FARP2: variants seen among roughly 807,000 people sequenced by gnomAD.
The protein encoded by FARP2 is FERM, ARH/RhoGEF and pleckstrin domain protein 2, also known as FERM, ARHGEF and pleckstrin domain-containing protein 2.
Under a neutral mutation model 130.5 loss-of-function variants are expected in FARP2, and 111 were observed. The ratio of observed to expected loss-of-function variants is 0.85; its 90% confidence interval spans 0.73 to 1.00. The LOEUF (loss-of-function observed/expected upper bound fraction) is 1.00, where lower values mean the gene tolerates loss of function less well. Ranked by LOEUF, FARP2 falls within the 50% of genes least tolerant of loss-of-function variation. The pLI is 0.00. For synonymous variants in FARP2, 504 were observed against 516.9 expected, an observed-to-expected ratio of 0.98 and a Z score of 0.34; for missense variants, 1,385 against 1,346.3, an observed-to-expected ratio of 1.03 and a Z score of -0.45.
chr2:241,469,377 A>C (rs1157989558), intron 18 of FARP2, among the ~76,000 whole-genome samples: 1 of 152,114 alleles, frequency 6.6e-6, no homozygotes, highest in Admixed American at 6.6e-5. Context: ...GAGCCACCAC[A>C]TGAGGAGGTT....
intron 2 of FARP2, among the ~76,000 whole-genome samples, chr2:241,402,061 A>G (rs925745273): frequency 6.6e-6 from 1 of 152,124 alleles, no homozygotes; most frequent in African/African-American, 2.4e-5. Context: ...AAGTGCTAGG[A>G]TTACAGGCAT....
chr2:241,401,471 TA>T (rs1361636615), intron 2 of FARP2, among the ~76,000 whole-genome samples: 7 of 152,346 alleles, frequency 4.6e-5, no homozygotes, highest in Admixed American at 3.9e-4. Context: ...TATGTGTTTT[TA>T]ATAAAATGGA....
At chr2:241,457,436 AGAT>A (rs1277202729) in intron 14 of FARP2, among the ~76,000 whole-genome samples, 1 of 129,632 alleles carries the variant, frequency 7.7e-6, no homozygotes, top group African/African-American at 2.9e-5. Context: ...CAGTGTAGAA[AGAT>A]CTGGGTGCTA....
Position 241,494,031 on chromosome 2 carries a change from C to T in FARP2, c.3071C>T (p.Ala1024Val). 3.6e-6 allele frequency: 5 copies of T among 1,402,564 alleles called. No individual in the cohort carries two copies. The Admixed American group carries it at 1.5e-4, about 41-fold the overall frequency. The allele number at this position is 1,402,564 out of a possible 1,614,324, so 86.9% of individuals were successfully genotyped here. Residue 1024 changes from alanine (A) to valine (V), a missense_variant, in exon 27 of 27, where the codon GCC becomes GTC. Ala to Val is a moderately conservative substitution (Grantham distance 64). Transcript: ENST00000264042. The surrounding 1 kb of genome is among the most constrained non-coding windows in gnomAD (Gnocchi z 4.9). ...AGGTGGATGGAGGTGATCCAGGGGG[C>T]CAGCAGCTCAGCCGGGAGGGCCCCA... is the stretch of plus-strand genomic sequence containing the variant. ...FERWMEVIQG[A>V]SSSAGRAPSI...
At chr2:241,478,550 G>A (rs936522514) in intron 19 of FARP2, 11 of 451,456 alleles carry the variant, frequency 2.4e-5, no homozygotes, top group African/African-American at 1.8e-4. Context: ...GGATGAAACT[G>A]TTGCCTATTT....
At chr2:241,468,431 C>G in intron 18 of FARP2, 54 bp downstream of exon 18, 1 of 1,429,944 alleles carries the variant, frequency 7.0e-7, no homozygotes, top group Non-Finnish European at 9.8e-7. Flanking sequence ...GGCTGGGAGG[C>G]AGGGGCGGCT....
At chr2:241,479,382 G>A (rs886577265) in intron 19 of FARP2, among the ~76,000 whole-genome samples, 1 of 152,234 alleles carries the variant, frequency 6.6e-6, no homozygotes, top group Non-Finnish European at 1.5e-5. Flanking sequence ...CATCCAGCAC[G>A]CCGTGGCCTC....
In FARP2 at chr2:241,474,798, TAATAATA is replaced by T. The variant is rs1441950327; in HGVS notation, c.2132-1053_2132-1047del. Among the ~76,000 whole-genome samples the T allele has an allele frequency of 1.7e-4, 18 of 104,176 alleles. 1 individual carries two copies. The East Asian group carries it at 2.2e-3, about 13-fold the overall frequency. The allele number at this position is 104,176 out of a possible 152,430, so 68.3% of individuals were successfully genotyped here. On this transcript the variant is annotated intron_variant, in intron 18 of 26. Coordinates refer to ENST00000264042, the MANE Select transcript of FARP2 (RefSeq NM_014808.4). ...CAGAGTGAGACCCTGTCTCTAATAA[TAATAATA>T]AATAAATAAATAAATAAATAAATAA...
intron 24 of FARP2, among the ~76,000 whole-genome samples, chr2:241,492,040 C>T (rs2064933603): frequency 2.6e-5 from 4 of 152,340 alleles, no homozygotes; most frequent in Middle Eastern, 3.4e-3. Context: ...CGAGGCTCTG[C>T]CCAGGCACCC....
At chr2:241,420,903 G>A (rs2062789310) in intron 8 of FARP2, among the ~76,000 whole-genome samples, 1 of 152,220 alleles carries the variant, frequency 6.6e-6, no homozygotes, top group African/African-American at 2.4e-5. Flanking sequence ...CTGATTAGAA[G>A]CAACTGAGGT....
intron 13 of FARP2, chr2:241,442,270 G>T: frequency 2.2e-6 from 1 of 456,668 alleles, no homozygotes; most frequent in South Asian, 1.5e-5. Flanking sequence ...AGCCTACTCA[G>T]TCCGCTCTGA....
At chr2:241,387,997 T>C (rs1166906850) in intron 2 of FARP2, among the ~76,000 whole-genome samples, 1 of 152,126 alleles carries the variant, frequency 6.6e-6, no homozygotes, top group Non-Finnish European at 1.5e-5. Context: ...GGCAATACTC[T>C]CAAACTGCTC....
intron 24 of FARP2, 76 bp downstream of exon 24, chr2:241,491,755 G>A (rs1176815138): frequency 6.4e-6 from 9 of 1,404,834 alleles, no homozygotes; most frequent in Non-Finnish European, 8.6e-6. Flanking sequence ...CTGAGGAGGG[G>A]ACCTCAGGAG....
At chr2:241,487,310 ACTC>A (rs1268676662) in intron 21 of FARP2, among the ~76,000 whole-genome samples, 4 of 152,176 alleles carry the variant, frequency 2.6e-5, no homozygotes, top group Admixed American at 2.0e-4. Flanking sequence ...TGAAACAGAC[ACTC>A]CTCAACTTAT....
At chr2:241,472,340 C>A (rs1429801906) in intron 18 of FARP2, among the ~76,000 whole-genome samples, 1 of 150,542 alleles carries the variant, frequency 6.6e-6, no homozygotes, top group African/African-American at 2.5e-5. Context: ...TCTCAGGGGA[C>A]CCTGTTCTGT....
chr2:241,449,515 CTT>C (rs35040726), intron 13 of FARP2, among the ~76,000 whole-genome samples: 28,966 of 152,084 alleles, frequency 0.19, 3,087 homozygotes, highest in Middle Eastern at 0.35. Context: ...ATAAAAATAA[CTT>C]TACCTTTTTC....
intron 13 of FARP2, among the ~76,000 whole-genome samples, chr2:241,452,967 A>G (rs1175464603): frequency 6.6e-6 from 1 of 151,572 alleles, no homozygotes; most frequent in Non-Finnish European, 1.5e-5. Flanking sequence ...AAAATGTTTA[A>G]CGGTAATTTG....
At chr2:241,406,173 T>TG (rs1169815591) in intron 4 of FARP2, among the ~76,000 whole-genome samples, 2 of 149,844 alleles carry the variant, frequency 1.3e-5, no homozygotes, top group Non-Finnish European at 3.0e-5. Context: ...AGGGGCATGG[T>TG]GGGGGGCGCC....
intron 3 of FARP2, among the ~76,000 whole-genome samples, 169 bp from the exon 4 acceptor site, chr2:241,404,630 T>C (rs1304635112): frequency 6.6e-6 from 1 of 152,212 alleles, no homozygotes; most frequent in Non-Finnish European, 1.5e-5. Flanking sequence ...TTGCTGTCCT[T>C]CTTGTACAGT....
Sources: gnomAD v4.1 joint callset for allele counts (sites outside exome capture counted in the v4.1 genomes callset) on GRCh38, gnomAD v4.1.1 for gene constraint, Gnocchi (gnomAD v3.1) non-coding constraint, MANE v1.5 for transcripts, NCBI Gene and HGNC (gene_info 2026-07-23, HGNC 2026-07-21) for gene names.